The following LRGUK variants were observed in gnomAD, a reference collection of about 807,000 sequenced individuals.
LRGUK encodes the protein leucine-rich repeat and guanylate kinase domain-containing protein.
LRGUK carries 65 observed loss-of-function variants against 76.0 expected under a neutral mutation model. The observed-to-expected ratio is 0.85, with a 90% CI of 0.70 to 1.05. The LOEUF (loss-of-function observed/expected upper bound fraction) is 1.05, where lower values mean the gene tolerates loss of function less well. Ranked by LOEUF, LRGUK falls within the 50% of genes least tolerant of loss-of-function variation. The pLI, the probability that LRGUK is intolerant of heterozygous loss-of-function variation, is 0.00. For synonymous variants in LRGUK, 268 were observed against 265.6 expected (o/e 1.01, Z -0.09); for missense variants, 758 against 732.8 (o/e 1.03, Z -0.40).
chr7:134,162,478 A>G (rs73439418), intron 6 of LRGUK, among the ~76,000 whole-genome samples: 20,017 of 152,098 alleles, frequency 0.13, 1,663 homozygotes, highest in East Asian at 0.32. Context: ...GAACTGGCAC[A>G]CTTCTACCAT....
At chr7:134,229,217 G>A (rs1172834169) in intron 16 of LRGUK, among the ~76,000 whole-genome samples, 4 of 152,052 alleles carry the variant, frequency 2.6e-5, no homozygotes, top group Admixed American at 1.3e-4. Flanking sequence ...ACAAAAATTA[G>A]CCAGGCATAG....
chr7:134,185,307 T>C (rs996616806), intron 11 of LRGUK, among the ~76,000 whole-genome samples: 1 of 152,112 alleles, frequency 6.6e-6, no homozygotes, highest in African/African-American at 2.4e-5. Flanking sequence ...ACGCTTCTAA[T>C]CCCAGCACTT....
chr7:134,172,569 T>G (rs1799302170), intron 7 of LRGUK, among the ~76,000 whole-genome samples: 1 of 152,212 alleles, frequency 6.6e-6, no homozygotes. Flanking sequence ...ATAGAAAGAA[T>G]GCACCAGTTT....
At chr7:134,265,550 A>G (rs1490927577), downstream of LRGUK, among the ~76,000 whole-genome samples, 2 of 152,220 alleles carry the variant, frequency 1.3e-5, no homozygotes, top group African/African-American at 2.4e-5. Flanking sequence ...TAGGAAAGGG[A>G]CAGTCTCAAA....
exon 20 of LRGUK, chr7:134,264,040 T>C: frequency 3.3e-6 from 5 of 1,504,340 alleles, no homozygotes; most frequent in Non-Finnish European, 4.5e-6. Flanking sequence ...TTCCTTGCCT[T>C]ACCTGGCCAT....
intron 4 of LRGUK, among the ~76,000 whole-genome samples, chr7:134,147,183 C>T (rs1399394392): frequency 6.6e-6 from 1 of 151,928 alleles, no homozygotes; most frequent in Non-Finnish European, 1.5e-5. Context: ...GAGGCCGAGA[C>T]GGGTGGATCA....
chr7:134,201,035 C>G (rs147437585), intron 14 of LRGUK, among the ~76,000 whole-genome samples: 1 of 152,162 alleles, frequency 6.6e-6, no homozygotes. Flanking sequence ...GTGTCATCCA[C>G]GTGGCCCCAC....
exon 12 of LRGUK, chr7:134,191,682 C>T (rs772726416): frequency 6.2e-7 from 1 of 1,612,774 alleles, no homozygotes; most frequent in African/African-American, 1.3e-5. Context: ...GACCACCTTA[C>T]TTTGGAGAAG....
intron 13 of LRGUK, 131 bp from the exon 14 acceptor site, chr7:134,199,089 C>A: frequency 3.2e-6 from 2 of 633,840 alleles, no homozygotes; most frequent in South Asian, 2.3e-5. Flanking sequence ...TAGTAGCTAA[C>A]TATACAGATG....
At chr7:134,211,462 G>C (rs906294204), downstream of LRGUK, among the ~76,000 whole-genome samples, 2 of 152,212 alleles carry the variant, frequency 1.3e-5, no homozygotes, top group Non-Finnish European at 2.9e-5. Flanking sequence ...GGAAGACTTT[G>C]CTGTTCCTGG....
downstream of LRGUK, among the ~76,000 whole-genome samples, chr7:134,213,649 AT>A (rs973881471): frequency 6.6e-6 from 1 of 152,000 alleles, no homozygotes; most frequent in East Asian, 1.9e-4. Flanking sequence ...GATAAGCCAA[AT>A]TTTTTTTATC....
At chr7:134,167,541 C>T (rs1157928756) in intron 7 of LRGUK, among the ~76,000 whole-genome samples, 1 of 152,142 alleles carries the variant, frequency 6.6e-6, no homozygotes, top group African/African-American at 2.4e-5. Flanking sequence ...TCCACACCGT[C>T]TGACTTGGTT....
Position 134,247,646 on chromosome 7 carries a change from T to C in LRGUK, c.2072+2T>C. 6.2e-7 allele frequency: 1 copy of C among 1,608,342 alleles called. No homozygotes were observed. Among genetic ancestry groups the C allele is most frequent in the Non-Finnish European group, 8.5e-7 (1 of 1,175,498 alleles). Reference sequence around the variant, plus strand: ...TGATCACACACTCCTATTTCAAAGGTAGCAATTTATCACATGAGCAACTTT... The same window carrying C: ...TGATCACACACTCCTATTTCAAAGGCAGCAATTTATCACATGAGCAACTTT... On this transcript the variant is annotated splice_donor_variant, in intron 17 of 19. Transcript: ENST00000285928. LOFTEE classifies it high-confidence loss of function.
chr7:134,229,771 T>C (rs1435490656), intron 16 of LRGUK, among the ~76,000 whole-genome samples: 3 of 152,132 alleles, frequency 2.0e-5, no homozygotes, highest in Non-Finnish European at 4.4e-5. Flanking sequence ...GGAAAGTTGA[T>C]TTATGAAAAA....
chr7:134,171,976 A>T (rs1799273590), intron 7 of LRGUK, among the ~76,000 whole-genome samples: 1 of 152,118 alleles, frequency 6.6e-6, no homozygotes, highest in Admixed American at 6.6e-5. Flanking sequence ...ACCTTCTCCC[A>T]TCTTACCTCA....
chr7:134,204,888 G>C (rs576357346), intron 15 of LRGUK, among the ~76,000 whole-genome samples: 2 of 152,188 alleles, frequency 1.3e-5, no homozygotes, highest in Non-Finnish European at 2.9e-5. Flanking sequence ...CTTAAAACAA[G>C]TGTCAGTGTG....
chr7:134,211,538 T>A (rs1011264196), downstream of LRGUK, among the ~76,000 whole-genome samples: 3 of 152,252 alleles, frequency 2.0e-5, no homozygotes, highest in Admixed American at 6.5e-5. Context: ...TTTGCATGCA[T>A]GACTCTGTGA....
At chr7:134,136,986 A>G in intron 1 of LRGUK, 37 bp from the exon 2 acceptor site, 4 of 1,441,848 alleles carry the variant, frequency 2.8e-6, no homozygotes, top group Non-Finnish European at 3.9e-6. Context: ...TTCTAATGAG[A>G]ATCTTTTCTT....
downstream of LRGUK, among the ~76,000 whole-genome samples, chr7:134,214,519 A>G (rs1295721684): frequency 3.9e-5 from 6 of 152,296 alleles, no homozygotes; most frequent in Admixed American, 6.5e-5. Context: ...GAAATAAGTT[A>G]TGGTATAGCT....
Sources: allele counts gnomAD v4.1 joint callset (sites outside exome capture counted in the v4.1 genomes callset), GRCh38; gene constraint gnomAD v4.1.1; transcripts MANE v1.5; gene names NCBI Gene and HGNC (gene_info 2026-07-23, HGNC 2026-07-21).